The following FMN1 variants were observed in gnomAD, a reference collection of about 807,000 sequenced individuals.
FMN1 encodes formin-1.
In FMN1, 110 loss-of-function variants were observed where a neutral mutation model predicts 132.4. The ratio of observed to expected loss-of-function variants is 0.83; its 90% confidence interval spans 0.71 to 0.97. FMN1 has a LOEUF of 0.97. Among genes scored for constraint, FMN1 ranks in the 50% least tolerant of loss-of-function variants. The probability of loss-of-function intolerance (pLI) is 0.00; values close to 1 mark genes in which losing one functional copy is unlikely to be tolerated. For synonymous variants in FMN1, 722 were observed against 651.7 expected (o/e 1.11, Z -1.64); for missense variants, 1,792 against 1,705.3 (o/e 1.05, Z -0.90).
At chr15:32,887,564 C>T (rs1261351576) in intron 16 of FMN1, among the ~76,000 whole-genome samples, 4 of 152,116 alleles carry the variant, frequency 2.6e-5, no homozygotes, top group Non-Finnish European at 5.9e-5. Context: ...TGGGCCTTAC[C>T]ATCATTATTA....
chr15:33,018,612 A>T (rs1346816941), intron 6 of FMN1, among the ~76,000 whole-genome samples: 1 of 152,174 alleles, frequency 6.6e-6, no homozygotes, highest in East Asian at 1.9e-4. Flanking sequence ...TGTCCTATGC[A>T]TCTCTTCATC....
chr15:33,153,454 A>G lies in FMN1; in HGVS notation c.1461T>C (p.Gly487=). ...CTGGTGGGGATGGCTTCTTCTTATC[A>G]CCTCTGGGTTGTGAGGAGTCAGGAC... ...KVGPDSSQPR[G]DKKKPSPPAP... Residue 487 remains glycine (G), a synonymous_variant, in exon 4 of 21, where the codon GGT becomes GGC. Coordinates refer to ENST00000616417, the MANE Select transcript of FMN1 (RefSeq NM_001277313.2). The G allele has an allele frequency of 2.0e-6, 3 of 1,536,578 alleles. No homozygotes were observed. The highest frequency in any genetic ancestry group is 2.6e-6 in the Non-Finnish European group (3 of 1,146,990).
chr15:32,975,772 T>G (rs755963474), intron 7 of FMN1, among the ~76,000 whole-genome samples: 11 of 152,184 alleles, frequency 7.2e-5, no homozygotes, highest in Non-Finnish European at 1.2e-4. Flanking sequence ...AACCACCCGG[T>G]AGAAATGAAC....
At chr15:32,940,431 G>C (rs2061377225) in intron 9 of FMN1, among the ~76,000 whole-genome samples, 1 of 145,862 alleles carries the variant, frequency 6.9e-6, no homozygotes, top group Non-Finnish European at 1.5e-5. Context: ...GTGTGTGTGT[G>C]TCTGTTCAAT....
At chr15:33,158,751 GAAGTA>G (rs1225381282) in intron 3 of FMN1, among the ~76,000 whole-genome samples, 3 of 152,214 alleles carry the variant, frequency 2.0e-5, no homozygotes, top group Non-Finnish European at 4.4e-5. Context: ...GATTACTTCA[GAAGTA>G]AAGTAGAGAG....
intron 19 of FMN1, among the ~76,000 whole-genome samples, chr15:32,793,504 C>T (rs577371429): frequency 6.6e-6 from 1 of 152,256 alleles, no homozygotes; most frequent in African/African-American, 2.4e-5. Context: ...TGATCTTGAA[C>T]GCCTGACCTC....
chr15:32,882,468 C>T (rs749670110), intron 16 of FMN1, among the ~76,000 whole-genome samples: 16 of 152,270 alleles, frequency 1.1e-4, no homozygotes, highest in African/African-American at 1.9e-4. Flanking sequence ...AATGGACACA[C>T]GCCACACCCT....
At chr15:32,843,938 G>A (rs1229029423) in intron 17 of FMN1, among the ~76,000 whole-genome samples, 1 of 152,080 alleles carries the variant, frequency 6.6e-6, no homozygotes, top group African/African-American at 2.4e-5. Context: ...AAACAGTTCT[G>A]ATCTACTCAA....
chr15:33,150,132 C>A (rs996398726), intron 4 of FMN1: 24 of 985,274 alleles, frequency 2.4e-5, no homozygotes, highest in Non-Finnish European at 2.8e-5. Context: ...GGGCATTTCC[C>A]AAGTATGGTG....
At chr15:32,903,013 A>G (rs1461067887) in intron 12 of FMN1, among the ~76,000 whole-genome samples, 1 of 152,256 alleles carries the variant, frequency 6.6e-6, no homozygotes, top group African/African-American at 2.4e-5. Flanking sequence ...GGTTTTACAT[A>G]GGAACAAAGC....
At chr15:33,049,467 T>C (rs1260348722) in intron 6 of FMN1, among the ~76,000 whole-genome samples, 1 of 152,230 alleles carries the variant, frequency 6.6e-6, no homozygotes, top group African/African-American at 2.4e-5. Context: ...AAACTCACAG[T>C]TCTGTTTCCA....
chr15:33,085,214 T>C (rs1242240903), intron 5 of FMN1, among the ~76,000 whole-genome samples: 1 of 152,182 alleles, frequency 6.6e-6, no homozygotes, highest in African/African-American at 2.4e-5. Flanking sequence ...ACCCAAGCAG[T>C]ATACACTGCC....
At chr15:32,844,244 T>A (rs2058809323) in intron 17 of FMN1, among the ~76,000 whole-genome samples, 1 of 152,224 alleles carries the variant, frequency 6.6e-6, no homozygotes, top group African/African-American at 2.4e-5. Flanking sequence ...TGGCGTTCAC[T>A]ATCTTTTTCC....
intron 6 of FMN1, among the ~76,000 whole-genome samples, chr15:33,032,440 AAAGTT>A (rs1165130874): frequency 1.3e-5 from 2 of 152,222 alleles, no homozygotes; most frequent in Non-Finnish European, 2.9e-5. Context: ...TAGTTATTAA[AAAGTT>A]AAGTGAATTA....
rs549697828 is a variant in FMN1 at position 33,020,872 on chromosome 15, T to C, written c.2162-12797A>G. Among the ~76,000 whole-genome samples the C allele has an allele frequency of 4.6e-5, 7 of 152,372 alleles. No individual in the cohort carries two copies. The East Asian group carries it at 1.2e-3, about 25-fold the overall frequency. On this transcript the variant is annotated intron_variant, in intron 6 of 20. Coordinates refer to ENST00000616417, the MANE Select transcript of FMN1 (RefSeq NM_001277313.2). ...GTTTTCTTAAAAGACTTTATTGTAT[T>C]TCATTTGATCATTTTATATATGTTA...
At chr15:33,034,042 A>C (rs1278432051) in intron 6 of FMN1, among the ~76,000 whole-genome samples, 1 of 151,894 alleles carries the variant, frequency 6.6e-6, no homozygotes, top group Non-Finnish European at 1.5e-5. Context: ...CTCTACGTTC[A>C]CCATCTCATC....
At chr15:32,870,896 G>A (rs1325955562) in intron 16 of FMN1, among the ~76,000 whole-genome samples, 4 of 152,106 alleles carry the variant, frequency 2.6e-5, no homozygotes, top group African/African-American at 4.8e-5. Flanking sequence ...ATATGTATTC[G>A]TTGAAAAAGA....
At chr15:33,027,021 A>G (rs1251409735) in intron 6 of FMN1, among the ~76,000 whole-genome samples, 1 of 152,174 alleles carries the variant, frequency 6.6e-6, no homozygotes, top group East Asian at 1.9e-4. Context: ...TGCTGTTTTT[A>G]AATCTGCATC....
At chr15:33,061,059 T>C (rs1240743681) in intron 6 of FMN1, among the ~76,000 whole-genome samples, 1 of 152,204 alleles carries the variant, frequency 6.6e-6, no homozygotes, top group Non-Finnish European at 1.5e-5. Context: ...AACTTCCAAG[T>C]GCCCACAGAT....
Sources: allele counts gnomAD v4.1 joint callset (sites outside exome capture counted in the v4.1 genomes callset), GRCh38; gene constraint gnomAD v4.1.1; transcripts MANE v1.5; gene names NCBI Gene and HGNC (gene_info 2026-07-23, HGNC 2026-07-21).